CAMTA1: variants seen among roughly 807,000 people sequenced by gnomAD.
The protein encoded by CAMTA1 is calmodulin binding transcription activator 1, also known as calmodulin-binding transcription activator 1.
A neutral mutation model predicts 170.9 loss-of-function variants in CAMTA1; 27 were observed. The observed-to-expected ratio is 0.16, with a 90% CI of 0.12 to 0.22. The LOEUF (loss-of-function observed/expected upper bound fraction) is 0.22, where lower values mean the gene tolerates loss of function less well. Among genes scored for constraint, CAMTA1 ranks in the 10% least tolerant of loss-of-function variants. The pLI is 1.00. For missense variants in CAMTA1, 1,619 were observed against 2,217.2 expected (o/e 0.73, Z 5.42); for synonymous variants, 833 against 891.5 (o/e 0.93, Z 1.17).
rs116603472 is a variant in CAMTA1, at chr1:6,942,492, C to A, written c.234+117282C>A. On this transcript the variant is annotated intron_variant, in intron 3 of 22. Coordinates refer to ENST00000303635, the MANE Select transcript of CAMTA1 (RefSeq NM_015215.4). ...GGGCAACATAGTGAGACCCCTATTT[C>A]TACACAAAAATAATGATAAAAAATT... 6.1e-3 allele frequency among the ~76,000 whole-genome samples: 923 copies of A among 152,010 alleles called. 6 individuals carry two copies. The highest frequency in any genetic ancestry group is 8.3e-3 in the Non-Finnish European group (564 of 67,974).
At chr1:7,152,009 CTGTT>C (rs758989085) in intron 4 of CAMTA1, among the ~76,000 whole-genome samples, 1 of 152,096 alleles carries the variant, frequency 6.6e-6, no homozygotes, top group African/African-American at 2.4e-5. Context: ...AGCTTGGTGA[CTGTT>C]TGGTAATTTG....
chr1:7,308,037 C>T (rs1490614707), intron 5 of CAMTA1, among the ~76,000 whole-genome samples: 3 of 151,406 alleles, frequency 2.0e-5, no homozygotes, highest in Non-Finnish European at 4.4e-5. Flanking sequence ...TTAATAGTTA[C>T]AGGACTATTC....
At chr1:7,749,350 C>T (rs1166074970) in intron 19 of CAMTA1, among the ~76,000 whole-genome samples, 3 of 152,138 alleles carry the variant, frequency 2.0e-5, no homozygotes, top group Non-Finnish European at 4.4e-5. Flanking sequence ...CAGTTGAGTT[C>T]ATGATCCCAG....
intron 3 of CAMTA1, among the ~76,000 whole-genome samples, chr1:6,911,116 T>C (rs1679594829): frequency 6.6e-6 from 1 of 152,232 alleles, no homozygotes; most frequent in African/African-American, 2.4e-5. Context: ...TCCTTTGTTT[T>C]AAGTTAATAG....
intron 10 of CAMTA1, among the ~76,000 whole-genome samples, chr1:7,677,008 G>A (rs1231129848): frequency 6.6e-6 from 1 of 152,164 alleles, no homozygotes; most frequent in Non-Finnish European, 1.5e-5. Flanking sequence ...CTGGAGGGAG[G>A]TGCAACCTTC....
intron 22 of CAMTA1, among the ~76,000 whole-genome samples, chr1:7,765,823 G>A (rs1385669853): frequency 6.6e-6 from 1 of 152,062 alleles, no homozygotes; most frequent in Admixed American, 6.5e-5. Context: ...TCAGGAGATC[G>A]AAACCATCCT....
chr1:7,061,106 T>C (rs1224893818), intron 3 of CAMTA1, among the ~76,000 whole-genome samples: 2 of 152,186 alleles, frequency 1.3e-5, no homozygotes, highest in African/African-American at 2.4e-5. Flanking sequence ...ACAGGTTTTA[T>C]TTGGCTCGCT....
At chr1:6,801,623 T>C (rs2148208616) in intron 1 of CAMTA1, among the ~76,000 whole-genome samples, 1 of 152,296 alleles carries the variant, frequency 6.6e-6, no homozygotes, top group East Asian at 1.9e-4. Flanking sequence ...AATTGTATGC[T>C]CAAAAAGGGT....
intron 1 of CAMTA1, among the ~76,000 whole-genome samples, chr1:6,816,649 C>T (rs1236889655): frequency 1.3e-5 from 2 of 152,228 alleles, no homozygotes; most frequent in Admixed American, 1.3e-4. Flanking sequence ...CTTTTCCATT[C>T]CACTGTGTTG....
At chr1:7,496,625 G>A (rs1403906640) in intron 6 of CAMTA1, among the ~76,000 whole-genome samples, 2 of 152,146 alleles carry the variant, frequency 1.3e-5, no homozygotes, top group African/African-American at 4.8e-5. Context: ...TTGCTTATCT[G>A]GTGTTGGCTA....
chr1:7,123,135 C>T (rs1198480295), intron 4 of CAMTA1, among the ~76,000 whole-genome samples: 9 of 152,168 alleles, frequency 5.9e-5, no homozygotes, highest in African/African-American at 1.9e-4. Flanking sequence ...GTTTCCACAT[C>T]TGGGTAGCTT....
chr1:6,818,062 C>T (rs1570413546), intron 1 of CAMTA1, among the ~76,000 whole-genome samples: 1 of 152,078 alleles, frequency 6.6e-6, no homozygotes, highest in South Asian at 2.1e-4. Context: ...AAAACTCAGG[C>T]GCGGTGGGTC....
chr1:7,597,727 T>A (rs770916719), intron 6 of CAMTA1, among the ~76,000 whole-genome samples: 1 of 152,134 alleles, frequency 6.6e-6, no homozygotes, highest in East Asian at 1.9e-4. Context: ...GACCTCAGTC[T>A]TTTTTGCATA....
intron 6 of CAMTA1, among the ~76,000 whole-genome samples, chr1:7,582,713 G>A (rs1308142483): frequency 6.6e-6 from 1 of 151,998 alleles, no homozygotes; most frequent in Non-Finnish European, 1.5e-5. Flanking sequence ...AACACTTCCT[G>A]GAACTCACAC....
intron 4 of CAMTA1, among the ~76,000 whole-genome samples, chr1:7,111,589 G>A (rs1404804901): frequency 6.6e-6 from 1 of 152,148 alleles, no homozygotes; most frequent in Non-Finnish European, 1.5e-5. Context: ...CGGAGCTCCT[G>A]TAAAATGGGT....
intron 4 of CAMTA1, among the ~76,000 whole-genome samples, chr1:7,097,647 A>G (rs1642231880): frequency 6.6e-6 from 1 of 152,264 alleles, no homozygotes; most frequent in Admixed American, 6.5e-5. Context: ...ATAGAATTGC[A>G]AAAACCATTT....
intron 4 of CAMTA1, among the ~76,000 whole-genome samples, chr1:7,205,916 T>G (rs1210446077): frequency 6.6e-6 from 1 of 152,242 alleles, no homozygotes; most frequent in Non-Finnish European, 1.5e-5. Flanking sequence ...CTGGACTTAA[T>G]TTTTTAAAAT....
intron 4 of CAMTA1, among the ~76,000 whole-genome samples, chr1:7,174,507 C>T (rs1475376218): frequency 6.6e-6 from 1 of 152,230 alleles, no homozygotes; most frequent in Non-Finnish European, 1.5e-5. Flanking sequence ...CGAAACAGCT[C>T]TGGCATGACT....
chr1:7,466,719 C>T (rs115225602), intron 5 of CAMTA1, among the ~76,000 whole-genome samples: 8,832 of 152,134 alleles, frequency 0.058, 446 homozygotes, highest in African/African-American at 0.13. Flanking sequence ...CCTTCTAGAG[C>T]GGATGCAGTG....
Sources: allele counts gnomAD v4.1 joint callset (sites outside exome capture counted in the v4.1 genomes callset), GRCh38; gene constraint gnomAD v4.1.1; transcripts MANE v1.5; gene names NCBI Gene and HGNC (gene_info 2026-07-23, HGNC 2026-07-21).